PPP3CA: variants seen among roughly 807,000 people sequenced by gnomAD.
PPP3CA encodes the protein CAM-PRP catalytic subunit.
In PPP3CA, 14 loss-of-function variants were observed where a neutral mutation model predicts 66.5. The observed-to-expected ratio is 0.21, with a 90% CI of 0.14 to 0.33. The LOEUF (loss-of-function observed/expected upper bound fraction) is 0.33. PPP3CA is among the 10% of genes least tolerant of loss of function. The pLI, the probability that PPP3CA is intolerant of heterozygous loss-of-function variation, is 1.00. For missense variants in PPP3CA, 317 were observed against 639.5 expected, an observed-to-expected ratio of 0.50 and a Z score of 5.44; for synonymous variants, 232 against 226.2, an observed-to-expected ratio of 1.03 and a Z score of -0.23.
At chr4:101,255,062 T>C (rs1315901129) in intron 1 of PPP3CA, among the ~76,000 whole-genome samples, 1 of 143,138 alleles carries the variant, frequency 7.0e-6, no homozygotes, top group Non-Finnish European at 1.5e-5. Flanking sequence ...AAAAGAAGCA[T>C]GAGTCCCAGG....
At chr4:101,286,319 A>G (rs1258749741) in intron 1 of PPP3CA, among the ~76,000 whole-genome samples, 2 of 152,252 alleles carry the variant, frequency 1.3e-5, no homozygotes, top group African/African-American at 4.8e-5. Context: ...AATATGCTAA[A>G]GCAAATAAAT....
In PPP3CA at chr4:101,029,152, A is replaced by G; in HGVS notation, c.1369+14T>C. On this transcript the variant is annotated intron_variant, in intron 13 of 13. Coordinates refer to ENST00000394854, the MANE Select transcript of PPP3CA (RefSeq NM_000944.5). ...CTGTTGCAGGTACAACAGAAAGGGGACTGGCCAATTTACCTTCATCAGCCT... is the reference window on the plus strand; with the variant it reads ...CTGTTGCAGGTACAACAGAAAGGGGGCTGGCCAATTTACCTTCATCAGCCT... 6.3e-7 allele frequency: 1 copy of G among 1,592,362 alleles called. No homozygotes were observed. The highest frequency in any genetic ancestry group is 8.6e-7 in the Non-Finnish European group (1 of 1,160,416).
chr4:101,180,218 T>C (rs1724191716), intron 2 of PPP3CA, among the ~76,000 whole-genome samples: 1 of 152,166 alleles, frequency 6.6e-6, no homozygotes, highest in Non-Finnish European at 1.5e-5. Context: ...GGTAGTATAA[T>C]TAGTAACAGC....
At chr4:101,335,791 C>T (rs1426253961) in intron 1 of PPP3CA, among the ~76,000 whole-genome samples, 2 of 152,088 alleles carry the variant, frequency 1.3e-5, no homozygotes, top group South Asian at 2.1e-4. Context: ...GAAGAGAGCA[C>T]AAGATGCTGG....
intron 6 of PPP3CA, among the ~76,000 whole-genome samples, chr4:101,089,584 T>G (rs1381640162): frequency 1.3e-5 from 2 of 152,196 alleles, no homozygotes; most frequent in African/African-American, 4.8e-5. Context: ...GATACAAAGC[T>G]TATATGATTC....
chr4:101,168,176 T>C (rs1489887256), intron 2 of PPP3CA, among the ~76,000 whole-genome samples: 1 of 152,096 alleles, frequency 6.6e-6, no homozygotes, highest in Non-Finnish European at 1.5e-5. Context: ...CCAGGCATAG[T>C]TTAAAGACAG....
At chr4:101,261,931 A>G (rs1355256206) in intron 1 of PPP3CA, among the ~76,000 whole-genome samples, 2 of 152,050 alleles carry the variant, frequency 1.3e-5, no homozygotes, top group Non-Finnish European at 2.9e-5. Flanking sequence ...ATTTAAGGTA[A>G]TCTATTCTAA....
At chr4:101,158,561 C>T (rs1181976701) in intron 2 of PPP3CA, among the ~76,000 whole-genome samples, 3 of 152,178 alleles carry the variant, frequency 2.0e-5, no homozygotes, top group Non-Finnish European at 4.4e-5. Flanking sequence ...AATTAAATGT[C>T]AGATGAGAAA....
Position 101,230,644 on chromosome 4 carries a change from C to T in PPP3CA, c.59-34528G>A, listed in dbSNP as rs1725931158. Among the ~76,000 whole-genome samples, 5 of 151,772 alleles carry T rather than the reference C, an allele frequency of 3.3e-5. No individual in the cohort carries two copies. In the South Asian group the frequency reaches 1.0e-3, roughly 31 times the overall value. ...CCCAACTTACCCACTCCATCCTTTACTCTGCCATATAAATTACCTGCCTGT... is the reference window on the plus strand; with the variant it reads ...CCCAACTTACCCACTCCATCCTTTATTCTGCCATATAAATTACCTGCCTGT... On this transcript the variant is annotated intron_variant, in intron 1 of 13. Coordinates refer to ENST00000394854, the MANE Select transcript of PPP3CA (RefSeq NM_000944.5).
intron 8 of PPP3CA, among the ~76,000 whole-genome samples, chr4:101,063,775 A>G (rs1034651525): frequency 2.6e-5 from 4 of 151,964 alleles, no homozygotes; most frequent in East Asian, 3.9e-4. Flanking sequence ...TAAAACTTCA[A>G]TAGAACTCCC....
intron 2 of PPP3CA, among the ~76,000 whole-genome samples, chr4:101,181,653 C>T (rs28532678): frequency 0.035 from 5,340 of 152,070 alleles, 322 homozygotes; most frequent in African/African-American, 0.12. Context: ...TCAAAAATCA[C>T]ATTTGACATA....
chr4:101,333,716 T>C (rs988773512), intron 1 of PPP3CA, among the ~76,000 whole-genome samples: 1 of 152,158 alleles, frequency 6.6e-6, no homozygotes, highest in Non-Finnish European at 1.5e-5. Flanking sequence ...TCATAACACA[T>C]GGCAATATAT....
At chr4:101,121,908 G>A (rs1044149976) in intron 2 of PPP3CA, among the ~76,000 whole-genome samples, 2 of 151,992 alleles carry the variant, frequency 1.3e-5, no homozygotes, top group South Asian at 2.1e-4. Context: ...AGACACTGAC[G>A]TTTGACCATG....
intron 1 of PPP3CA, among the ~76,000 whole-genome samples, chr4:101,226,936 AT>A: frequency 6.6e-6 from 1 of 151,610 alleles, no homozygotes; most frequent in Non-Finnish European, 1.5e-5. Flanking sequence ...CAGGATAATT[AT>A]TTTTTTATAT....
chr4:101,037,608 T>C (rs1291429633), intron 11 of PPP3CA, among the ~76,000 whole-genome samples: 1 of 152,106 alleles, frequency 6.6e-6, no homozygotes, highest in Non-Finnish European at 1.5e-5. Context: ...TTACATTTTA[T>C]TTTATATTTA....
intron 2 of PPP3CA, among the ~76,000 whole-genome samples, chr4:101,151,625 C>A (rs1176026551): frequency 2.7e-5 from 4 of 147,344 alleles, no homozygotes; most frequent in Admixed American, 6.8e-5. Flanking sequence ...AAAGAATATT[C>A]CCAAAATTTA....
At chr4:101,137,795 A>G (rs895451746) in intron 2 of PPP3CA, among the ~76,000 whole-genome samples, 5 of 151,950 alleles carry the variant, frequency 3.3e-5, no homozygotes, top group African/African-American at 9.7e-5. Flanking sequence ...ATGTGTCATA[A>G]GAAAGAGAGC....
intron 10 of PPP3CA, among the ~76,000 whole-genome samples, chr4:101,044,372 T>C (rs1214829374): frequency 6.6e-6 from 1 of 152,214 alleles, no homozygotes; most frequent in African/African-American, 2.4e-5. Context: ...GATAATGTCA[T>C]ATTAAACATT....
intron 6 of PPP3CA, among the ~76,000 whole-genome samples, chr4:101,091,493 T>C (rs1729939297): frequency 6.6e-6 from 1 of 152,128 alleles, no homozygotes; most frequent in Admixed American, 6.6e-5. Context: ...AACCTCTCTG[T>C]TAATATTCAT....
Sources: gnomAD v4.1 joint callset for allele counts (sites outside exome capture counted in the v4.1 genomes callset) on GRCh38, gnomAD v4.1.1 for gene constraint, MANE v1.5 for transcripts, NCBI Gene and HGNC (gene_info 2026-07-23, HGNC 2026-07-21) for gene names.